The following GREB1L variants were observed in gnomAD, a reference collection of about 807,000 sequenced individuals.
GREB1L encodes GREB1 like retinoic acid receptor coactivator.
GREB1L carries 17 observed loss-of-function variants against 200.8 expected under a neutral mutation model. The observed-to-expected ratio is 0.08, with a 90% confidence interval of 0.06 to 0.13. The LOEUF is 0.13. Ranked by LOEUF, GREB1L falls within the 10% of genes least tolerant of loss-of-function variation. The pLI is 1.00. For synonymous variants in GREB1L, 789 were observed against 893.0 expected (o/e 0.88, Z 2.08); for missense variants, 1,657 against 2,367.7 (o/e 0.70, Z 6.23).
At chr18:21,391,526 C>A (rs541999568) in intron 4 of GREB1L, among the ~76,000 whole-genome samples, 2 of 152,288 alleles carry the variant, frequency 1.3e-5, no homozygotes, top group African/African-American at 2.4e-5. Context: ...GTCAAAGGAG[C>A]AGTTAATTAG....
chr18:21,430,939 A>C (rs910350515), intron 7 of GREB1L, among the ~76,000 whole-genome samples: 1 of 150,070 alleles, frequency 6.7e-6, no homozygotes, highest in South Asian at 2.1e-4. Flanking sequence ...ATTTCCTTCT[A>C]ATTACTTTAG....
chr18:21,395,360 TC>T, intron 4 of GREB1L, 24 bp from the exon 5 acceptor site: 1 of 1,517,372 alleles, frequency 6.6e-7, no homozygotes. Flanking sequence ...TTTCACTGTG[TC>T]CTTTTTTTTA....
At chr18:21,387,318 C>A (rs773189118) in intron 4 of GREB1L, among the ~76,000 whole-genome samples, 28 of 152,302 alleles carry the variant, frequency 1.8e-4, no homozygotes, top group South Asian at 4.1e-4. Context: ...GAAGTGAAAT[C>A]TTTGGCTGTT....
intron 1 of GREB1L, among the ~76,000 whole-genome samples, chr18:21,269,417 T>C (rs2144253041): frequency 6.6e-6 from 1 of 152,326 alleles, no homozygotes; most frequent in South Asian, 2.1e-4. Context: ...GAATTCTTTA[T>C]GTATCCTTAA....
intron 1 of GREB1L, among the ~76,000 whole-genome samples, chr18:21,300,552 C>T (rs545493424): frequency 6.6e-6 from 1 of 152,270 alleles, no homozygotes; most frequent in East Asian, 1.9e-4. Context: ...TTTGAAAACG[C>T]CCCAGATTTT....
At chr18:21,430,858 AGTGCTGGGATTACAGGCGTGAGCCACC>A (rs2033093303) in intron 7 of GREB1L, among the ~76,000 whole-genome samples, 1 of 150,980 alleles carries the variant, frequency 6.6e-6, no homozygotes, top group South Asian at 2.1e-4. Flanking sequence ...GGCCTCCCAA[AGTGCTGGGATTACAGGCGTGAGCCACC>A]GCACCTGGCC....
chr18:21,480,356 C>T (rs55965749), intron 17 of GREB1L, among the ~76,000 whole-genome samples: 4,610 of 151,664 alleles, frequency 0.03, 98 homozygotes, highest in Non-Finnish European at 0.049. Flanking sequence ...ATCTCAAAAA[C>T]AAAAAGAGGG....
At chr18:21,384,158 C>T (rs1430573198) in intron 3 of GREB1L, 48 bp from the exon 4 acceptor site, 2 of 1,263,798 alleles carry the variant, frequency 1.6e-6, no homozygotes, top group Admixed American at 4.4e-5. Flanking sequence ...TGCATTTTTC[C>T]ATAAGCATCT....
chr18:21,457,096 C>CA (rs1424243141), intron 15 of GREB1L, among the ~76,000 whole-genome samples: 1 of 152,218 alleles, frequency 6.6e-6, no homozygotes, highest in African/African-American at 2.4e-5. Flanking sequence ...CCTGCACTTT[C>CA]ACCTTTCCTA....
intron 15 of GREB1L, among the ~76,000 whole-genome samples, chr18:21,457,426 T>C (rs758283135): frequency 6.6e-5 from 10 of 152,238 alleles, no homozygotes; most frequent in Non-Finnish European, 1.5e-4. Context: ...TATTTTGTTA[T>C]AAAAACATGA....
intron 19 of GREB1L, among the ~76,000 whole-genome samples, chr18:21,493,805 G>A (rs982990110): frequency 8.1e-5 from 10 of 122,804 alleles, no homozygotes; most frequent in East Asian, 5.4e-4. Context: ...GGTGGAGGTC[G>A]CCATGAGCCA....
rs142457528 is a variant in GREB1L, at chr18:21,260,110, A to G, written c.-120+17717A>G. 4.9e-4 allele frequency among the ~76,000 whole-genome samples: 74 copies of G among 152,112 alleles called. No individual in the cohort carries two copies. In the East Asian group the frequency reaches 0.012, roughly 25 times the overall value. On this transcript the variant is annotated intron_variant, in intron 1 of 32. Transcript: ENST00000424526. ...GTACATAACTATTCTACTGATGTAGATTATATTGAGAAATAAATATTTGAA... is the reference window on the plus strand; with the variant it reads ...GTACATAACTATTCTACTGATGTAGGTTATATTGAGAAATAAATATTTGAA...
chr18:21,349,659 G>T (rs538990982), intron 1 of GREB1L, among the ~76,000 whole-genome samples: 1 of 152,000 alleles, frequency 6.6e-6, no homozygotes, highest in African/African-American at 2.4e-5. Flanking sequence ...AACTGTGTGT[G>T]TGAGGGATCT....
intron 1 of GREB1L, among the ~76,000 whole-genome samples, chr18:21,270,547 G>A (rs984509905): frequency 6.6e-5 from 10 of 152,172 alleles, no homozygotes; most frequent in Non-Finnish European, 1.5e-4. Context: ...GGATAGGAGA[G>A]GGCACACACC....
At chr18:21,373,179 G>T (rs1394976371) in intron 2 of GREB1L, among the ~76,000 whole-genome samples, 1 of 152,042 alleles carries the variant, frequency 6.6e-6, no homozygotes, top group African/African-American at 2.4e-5. Context: ...GTGATGCTAA[G>T]CTCAACCAGT....
intron 1 of GREB1L, among the ~76,000 whole-genome samples, chr18:21,287,035 G>A (rs1456741357): frequency 2.0e-5 from 3 of 152,040 alleles, no homozygotes; most frequent in Admixed American, 2.0e-4. Context: ...TTAAGGTCCT[G>A]TGTCTACCTT....
In GREB1L at chr18:21,242,238, A is replaced by ACGCCAGC. The variant is rs2037505356; in HGVS notation, c.-270_-264dup. The ACGCCAGC allele has an allele frequency of 2.0e-5, 3 of 151,628 alleles. 1 individual carries two copies. The highest frequency in any genetic ancestry group is 2.0e-4 in the Admixed American group (3 of 15,224). 9.4% of individuals were successfully genotyped at this position (151,628 alleles called of 1,614,324 possible). ...CGCGGACCGCGCGCCTGCCAGAGAG[A>ACGCCAGC]CGCCAGCCGCCGGCGGCGCTAGCAC... is the stretch of plus-strand genomic sequence containing the variant. On this transcript the variant is annotated 5_prime_UTR_variant, in exon 1 of 33. Transcript: ENST00000424526.
At chr18:21,489,300 A>C (rs2145843073) in intron 18 of GREB1L, among the ~76,000 whole-genome samples, 1 of 152,290 alleles carries the variant, frequency 6.6e-6, no homozygotes, top group Non-Finnish European at 1.5e-5. Context: ...GTCTCAGGTG[A>C]TGAGGCTACA....
At position 21,384,393 on chromosome 18, in the gene GREB1L, C is replaced by T; in HGVS notation, c.345C>T (p.Cys115=). The T allele has an allele frequency of 6.5e-7, 1 of 1,549,082 alleles. No individual in the cohort carries two copies. Among genetic ancestry groups the T allele is most frequent in the Non-Finnish European group, 8.7e-7 (1 of 1,146,048 alleles). Residue 115 remains cysteine (C), a synonymous_variant, in exon 4 of 33, where the codon TGC becomes TGT. Coordinates refer to ENST00000424526, the MANE Select transcript of GREB1L (RefSeq NM_001142966.3). ...YSQKPAPEGS[C]TTDGFCQAGK... is the part of the protein sequence containing the mutation. ...AAAAACCTGCCCCAGAAGGATCTTG[C>T]ACTACAGATGGTGGGTTTCAGTTGT...
Sources: gnomAD v4.1 joint callset for allele counts (sites outside exome capture counted in the v4.1 genomes callset) on GRCh38, gnomAD v4.1.1 for gene constraint, MANE v1.5 for transcripts, NCBI Gene and HGNC (gene_info 2026-07-23, HGNC 2026-07-21) for gene names.